Variants in CTNNA3 observed in about 807,000 individuals in gnomAD.
CTNNA3 encodes catenin alpha 3.
In CTNNA3, 76 loss-of-function variants were observed where a neutral mutation model predicts 95.7. The observed-to-expected ratio is 0.79, with a 90% CI of 0.66 to 0.96. The LOEUF (loss-of-function observed/expected upper bound fraction) is 0.96, where lower values mean the gene tolerates loss of function less well. Ranked by LOEUF, CTNNA3 falls within the 40% of genes least tolerant of loss-of-function variation. The pLI is 0.00. For synonymous variants in CTNNA3, 431 were observed against 374.4 expected (o/e 1.15, Z -1.74); for missense variants, 1,191 against 1,089.8 (o/e 1.09, Z -1.31).
At chr10:66,471,977 T>G (rs1433622919) in intron 11 of CTNNA3, among the ~76,000 whole-genome samples, 1 of 152,046 alleles carries the variant, frequency 6.6e-6, no homozygotes, top group African/African-American at 2.4e-5. Flanking sequence ...AATTTCACAC[T>G]GACGTGTGTA....
intron 9 of CTNNA3, among the ~76,000 whole-genome samples, chr10:66,681,353 A>G (rs943304118): frequency 3.3e-5 from 5 of 152,152 alleles, no homozygotes; most frequent in African/African-American, 4.8e-5. Context: ...CAAAATTCCA[A>G]CAACCTCACA....
chr10:67,431,521 C>A (rs1846112835), intron 5 of CTNNA3, among the ~76,000 whole-genome samples: 1 of 151,928 alleles, frequency 6.6e-6, no homozygotes, highest in African/African-American at 2.4e-5. Context: ...AAATAGAATT[C>A]AATCCAGGTA....
At chr10:66,179,909 G>T (rs1052834304) in intron 13 of CTNNA3, among the ~76,000 whole-genome samples, 3 of 152,052 alleles carry the variant, frequency 2.0e-5, no homozygotes, top group African/African-American at 7.2e-5. Flanking sequence ...GTATTTTATA[G>T]CTAGAGTATA....
intron 5 of CTNNA3, among the ~76,000 whole-genome samples, chr10:67,439,691 G>C (rs536586563): frequency 3.4e-4 from 52 of 152,168 alleles, no homozygotes; most frequent in African/African-American, 1.1e-3. Flanking sequence ...ATTCCAGTCC[G>C]TAGCTCCTGG....
At chr10:66,484,708 C>T (rs1203614196) in intron 11 of CTNNA3, among the ~76,000 whole-genome samples, 1 of 151,892 alleles carries the variant, frequency 6.6e-6, no homozygotes, top group Non-Finnish European at 1.5e-5. Flanking sequence ...AAAAGAAAAG[C>T]TAAGGACCAA....
chr10:66,376,743 G>A (rs1172909371), intron 12 of CTNNA3, among the ~76,000 whole-genome samples: 1 of 152,034 alleles, frequency 6.6e-6, no homozygotes, highest in Non-Finnish European at 1.5e-5. Flanking sequence ...TAAAAGAAAA[G>A]GAAACACAGA....
At chr10:66,616,409 C>A (rs948553494) in intron 10 of CTNNA3, among the ~76,000 whole-genome samples, 1 of 152,076 alleles carries the variant, frequency 6.6e-6, no homozygotes, top group African/African-American at 2.4e-5. Context: ...CCCCTCGGGG[C>A]CCTTCAGAAC....
At chr10:67,637,134 G>C (rs1296860642) in intron 2 of CTNNA3, among the ~76,000 whole-genome samples, 1 of 152,132 alleles carries the variant, frequency 6.6e-6, no homozygotes, top group Non-Finnish European at 1.5e-5. Flanking sequence ...TAAACGAATG[G>C]CTAACTAGAA....
chr10:66,241,979 A>G (rs35749504), intron 13 of CTNNA3, among the ~76,000 whole-genome samples: 11,836 of 152,152 alleles, frequency 0.078, 598 homozygotes, highest in Admixed American at 0.13. Context: ...TTAATTTAGG[A>G]CAAGACTGCT....
chr10:67,487,965 T>C (rs151186697), intron 5 of CTNNA3, among the ~76,000 whole-genome samples: 1 of 152,334 alleles, frequency 6.6e-6, no homozygotes, highest in East Asian at 1.9e-4. Flanking sequence ...TCTAGAAACC[T>C]TAAGCTTAGG....
At chr10:66,019,111 G>A (rs187577502) in intron 15 of CTNNA3, among the ~76,000 whole-genome samples, 1 of 152,192 alleles carries the variant, frequency 6.6e-6, no homozygotes, top group Admixed American at 6.5e-5. Context: ...TTAGCTGAGA[G>A]CTTTATTGCA....
intron 7 of CTNNA3, among the ~76,000 whole-genome samples, chr10:67,137,478 A>G (rs1860354681): frequency 1.3e-5 from 2 of 152,178 alleles, no homozygotes; most frequent in Admixed American, 1.3e-4. Context: ...TCAATTTCAT[A>G]TCAGAGGCAC....
At chr10:67,244,237 G>GC (rs1865823885) in intron 5 of CTNNA3, among the ~76,000 whole-genome samples, 1 of 152,016 alleles carries the variant, frequency 6.6e-6, no homozygotes, top group Non-Finnish European at 1.5e-5. Context: ...CAGTGATGAT[G>GC]GTTTTTAATC....
intron 15 of CTNNA3, among the ~76,000 whole-genome samples, chr10:66,025,755 C>T (rs989554484): frequency 6.6e-6 from 1 of 152,030 alleles, no homozygotes; most frequent in Non-Finnish European, 1.5e-5. Flanking sequence ...TATATCAAGC[C>T]CTACTAAAAA....
chr10:67,196,515 T>G (rs1947844), intron 6 of CTNNA3, among the ~76,000 whole-genome samples: 55,212 of 151,502 alleles, frequency 0.36, 14,384 homozygotes, highest in African/African-American at 0.75. Flanking sequence ...AATGAACATA[T>G]TACATTTAAA....
chr10:67,304,035 T>C (rs1211472104), intron 5 of CTNNA3, among the ~76,000 whole-genome samples: 1 of 152,206 alleles, frequency 6.6e-6, no homozygotes, highest in Admixed American at 6.5e-5. Context: ...CTAGACAAAC[T>C]GCTCTAGCCT....
rs1014759456 is a variant in CTNNA3, at chr10:67,495,935, T to G, written c.579+25907A>C. On this transcript the variant is annotated intron_variant, in intron 5 of 17. Coordinates refer to ENST00000433211, the MANE Select transcript of CTNNA3 (RefSeq NM_013266.4). ...GGAAAATCTGTATTACTAAATAATG[T>G]CCAGTAGGCACTATCTCCTAACATT... is the stretch of plus-strand genomic sequence containing the variant. 2.6e-5 allele frequency among the ~76,000 whole-genome samples: 4 copies of G among 152,336 alleles called. 1 individual carries two copies. The East Asian group carries it at 7.7e-4, about 29-fold the overall frequency.
intron 9 of CTNNA3, among the ~76,000 whole-genome samples, chr10:66,687,809 A>G (rs1391544750): frequency 1.3e-5 from 2 of 152,064 alleles, no homozygotes; most frequent in Admixed American, 1.3e-4. Flanking sequence ...ATTATCTTCT[A>G]GACTCTATAT....
chr10:66,441,342 C>G (rs1024666425), intron 11 of CTNNA3, among the ~76,000 whole-genome samples: 2 of 152,038 alleles, frequency 1.3e-5, no homozygotes, highest in Non-Finnish European at 2.9e-5. Flanking sequence ...AGTTGCTTTC[C>G]TGAAGAAATA....
Sources: allele counts gnomAD v4.1 joint callset (sites outside exome capture counted in the v4.1 genomes callset), GRCh38; gene constraint gnomAD v4.1.1; transcripts MANE v1.5; gene names NCBI Gene and HGNC (gene_info 2026-07-23, HGNC 2026-07-21).